KLF17: variants seen among roughly 807,000 people sequenced by gnomAD.
KLF17 encodes the protein KLF transcription factor 17.
Under a neutral mutation model 34.2 loss-of-function variants are expected in KLF17, and 31 were observed. The observed-to-expected ratio is 0.91, with a 90% CI of 0.68 to 1.22. The LOEUF is 1.22. KLF17 is among the 50% of genes most tolerant of loss of function. The pLI, the probability that KLF17 is intolerant of heterozygous loss-of-function variation, is 0.00. For missense variants in KLF17, 478 were observed against 505.2 expected (o/e 0.95, Z 0.52); for synonymous variants, 179 against 186.7 (o/e 0.96, Z 0.34).
chr1:44,103,744 C>G, the KLF17 span: 1 of 1,190,120 alleles, frequency 8.4e-7, no homozygotes, highest in Non-Finnish European at 1.2e-6. Flanking sequence ...CCCTTAACTG[C>G]CAGCTCCTCA....
chr1:44,065,143 C>T, the KLF17 span, among the ~76,000 whole-genome samples: 16 of 151,996 alleles, frequency 1.1e-4, no homozygotes, highest in African/African-American at 3.1e-4. Flanking sequence ...CAAAAATTAG[C>T]GGGGCGTGGT....
At chr1:44,131,541 G>A (rs67752000) in intron 3 of KLF17, among the ~76,000 whole-genome samples, 38,000 of 152,056 alleles carry the variant, frequency 0.25, 4,980 homozygotes, top group South Asian at 0.39. Context: ...TGTATTAGAC[G>A]TGGCACATAT....
intron 2 of KLF17, 97 bp from the exon 3 acceptor site, chr1:44,130,415 C>T: frequency 6.6e-7 from 1 of 1,516,454 alleles, no homozygotes. Context: ...CTGGACCTTC[C>T]CTTTTGAATC....
At chr1:44,113,772 C>T in the KLF17 span, 1 of 152,136 alleles carries the variant, frequency 6.6e-6, no homozygotes, top group Non-Finnish European at 1.5e-5. Flanking sequence ...TGAGATGTAC[C>T]TGTTATAATG....
chr1:44,090,145 G>C, the KLF17 span, among the ~76,000 whole-genome samples: 2 of 131,912 alleles, frequency 1.5e-5, no homozygotes, highest in African/African-American at 6.0e-5. Context: ...AAAAAAAAAA[G>C]AGAGAGAGAC....
At chr1:44,087,833 T>C in the KLF17 span, 1 of 146,476 alleles carries the variant, frequency 6.8e-6, no homozygotes, top group Non-Finnish European at 1.5e-5. Context: ...CACACATATA[T>C]ATAATATATA....
In KLF17 at chr1:44,129,704, A is replaced by G. The variant is rs762131869; in HGVS notation, c.433A>G (p.Arg145Gly). 2.2e-5 allele frequency: 35 copies of G among 1,614,188 alleles called. No homozygotes were observed. The highest frequency in any genetic ancestry group is 3.0e-5 in the Non-Finnish European group (35 of 1,180,018). ...VGEPNIPRVA[R>G]PFGGNLRMPP... ...AGAGCCCAATATTCCAAGGGTAGCC[A>G]GGCCCTTCGGTGGGAATCTAAGGAT... The change falls in exon 2 of 4, where the codon AGG becomes GGG. Residue 145 changes from arginine to glycine, a missense_variant. Arg to Gly is a moderately radical substitution (Grantham distance 125, BLOSUM62 -2). Transcript: ENST00000372299.
At chr1:44,059,777 C>T in the KLF17 span, among the ~76,000 whole-genome samples, 5 of 151,658 alleles carry the variant, frequency 3.3e-5, no homozygotes, top group Non-Finnish European at 5.9e-5. Context: ...CAGACGTTTC[C>T]CTGTGATACT....
At chr1:44,099,280 T>C in the KLF17 span, among the ~76,000 whole-genome samples, 1 of 151,832 alleles carries the variant, frequency 6.6e-6, no homozygotes, top group Admixed American at 6.6e-5. Context: ...GGCTCACACC[T>C]GTGGTACCAG....
chr1:44,076,895 CTTTTTTTTTT>C, the KLF17 span: 1 of 119,834 alleles, frequency 8.3e-6, no homozygotes, highest in African/African-American at 3.1e-5. Context: ...CATGCCTGGC[CTTTTTTTTTT>C]TTTTTTTTTC....
chr1:44,106,167 C>T, the KLF17 span, among the ~76,000 whole-genome samples: 4 of 152,100 alleles, frequency 2.6e-5, no homozygotes, highest in Middle Eastern at 3.2e-3. Flanking sequence ...TCCATCACCA[C>T]TCCTATCTCC....
At chr1:44,049,080 G>T in the KLF17 span, among the ~76,000 whole-genome samples, 1 of 152,082 alleles carries the variant, frequency 6.6e-6, no homozygotes, top group Non-Finnish European at 1.5e-5. Context: ...CAAGGTGCTG[G>T]CGGGGTTGGG....
the KLF17 span, among the ~76,000 whole-genome samples, chr1:44,099,901 GAAAGAAAGA>G: frequency 7.2e-5 from 5 of 69,408 alleles, no homozygotes; most frequent in African/African-American, 1.1e-4. Flanking sequence ...AAGAAAGAAA[GAAAGAAAGA>G]AAGAAAGAAA....
chr1:44,121,563 G>A (rs923348403), intron 1 of KLF17, among the ~76,000 whole-genome samples: 1 of 152,144 alleles, frequency 6.6e-6, no homozygotes, highest in Admixed American at 6.6e-5. Flanking sequence ...TCTGAAATTA[G>A]AATAGTTTTA....
chr1:44,050,505 G>T, the KLF17 span, among the ~76,000 whole-genome samples: 1 of 152,164 alleles, frequency 6.6e-6, no homozygotes, highest in Non-Finnish European at 1.5e-5. Context: ...CTTAAAAGTG[G>T]GCATAAACAT....
At chr1:44,059,300 T>C in the KLF17 span, among the ~76,000 whole-genome samples, 1 of 152,218 alleles carries the variant, frequency 6.6e-6, no homozygotes, top group East Asian at 1.9e-4. Flanking sequence ...GCCAACCTCT[T>C]GGGAAACACC....
At chr1:44,123,833 G>A (rs899577041) in intron 1 of KLF17, among the ~76,000 whole-genome samples, 1 of 151,388 alleles carries the variant, frequency 6.6e-6, no homozygotes, top group Admixed American at 6.6e-5. Flanking sequence ...TTGTTTCAGA[G>A]AGTGCTATTT....
the KLF17 span, among the ~76,000 whole-genome samples, chr1:44,056,571 TG>T: frequency 6.6e-6 from 1 of 152,166 alleles, no homozygotes; most frequent in African/African-American, 2.4e-5. Flanking sequence ...AAAGAAAAGC[TG>T]GGAACAGCTC....
chr1:44,059,164 G>A, the KLF17 span, among the ~76,000 whole-genome samples: 1 of 152,184 alleles, frequency 6.6e-6, no homozygotes, highest in Non-Finnish European at 1.5e-5. Flanking sequence ...GCCTTTGGAG[G>A]ACCTCTGCTG....
Sources: gnomAD v4.1 joint callset for allele counts (sites outside exome capture counted in the v4.1 genomes callset) on GRCh38, gnomAD v4.1.1 for gene constraint, MANE v1.5 for transcripts, NCBI Gene and HGNC (gene_info 2026-07-23, HGNC 2026-07-21) for gene names.